The following CTNNA2 variants were observed in gnomAD, a reference collection of about 807,000 sequenced individuals.
CTNNA2 encodes catenin alpha 2, also known as catenin alpha-2.
CTNNA2 carries 42 observed loss-of-function variants against 101.0 expected under a neutral mutation model. The ratio of observed to expected loss-of-function variants is 0.42; its 90% CI spans 0.32 to 0.54. The LOEUF (loss-of-function observed/expected upper bound fraction) is 0.54, where lower values mean the gene tolerates loss of function less well. Among genes scored for constraint, CTNNA2 ranks in the 20% least tolerant of loss-of-function variants. The probability of loss-of-function intolerance (pLI) is 0.14; values close to 1 mark genes in which losing one functional copy is unlikely to be tolerated. For synonymous variants in CTNNA2, 450 were observed against 456.4 expected (o/e 0.99, Z 0.18); for missense variants, 871 against 1,223.1 (o/e 0.71, Z 4.29).
At chr2:80,090,146 C>CTG (rs35203371) in intron 7 of CTNNA2, among the ~76,000 whole-genome samples, 1,428 of 140,628 alleles carry the variant, frequency 0.01, 2 homozygotes, top group African/African-American at 0.022. Flanking sequence ...CTCTCTCTCT[C>CTG]TGTGTGTGTG....
intron 1 of CTNNA2, among the ~76,000 whole-genome samples, chr2:79,563,254 A>C (rs1674904705): frequency 6.6e-6 from 1 of 151,482 alleles, no homozygotes; most frequent in South Asian, 2.1e-4. Flanking sequence ...AAATGCATAT[A>C]CTTACATAAA....
intron 15 of CTNNA2, among the ~76,000 whole-genome samples, chr2:80,590,445 T>G (rs1031486789): frequency 3.6e-5 from 4 of 111,848 alleles, no homozygotes; most frequent in African/African-American, 1.4e-4. Flanking sequence ...TTTTTTTTTC[T>G]GGAAAACACA....
At chr2:79,559,510 T>C (rs531011617) in intron 1 of CTNNA2, among the ~76,000 whole-genome samples, 2 of 151,928 alleles carry the variant, frequency 1.3e-5, no homozygotes, top group African/African-American at 2.4e-5. Context: ...TGCAGAGACA[T>C]AGTTGAGTAA....
rs75308770 is a variant in CTNNA2, at chr2:79,651,467, T to G, written c.-5-85T>G. The G allele has an allele frequency of 1.2e-5, 15 of 1,285,870 alleles. No individual in the cohort carries two copies. The East Asian group carries it at 3.5e-4, about 30-fold the overall frequency. The allele number at this position is 1,285,870 out of a possible 1,614,324, so 79.7% of individuals were successfully genotyped here. ...GCTATCTTCCAGTATGTTCTAAGTT[T>G]CAGTGATTTACCCATTTTGAATCAC... On this transcript the variant is annotated intron_variant, in intron 1 of 18. Transcript: ENST00000402739.
chr2:79,910,299 T>C (rs1281546051), intron 7 of CTNNA2, among the ~76,000 whole-genome samples: 1 of 152,222 alleles, frequency 6.6e-6, no homozygotes, highest in African/African-American at 2.4e-5. Flanking sequence ...GGAGGTGTTT[T>C]ATTGATTCAT....
intron 4 of CTNNA2, among the ~76,000 whole-genome samples, chr2:79,407,840 C>T (rs1305548280): frequency 6.6e-6 from 1 of 152,008 alleles, no homozygotes; most frequent in Non-Finnish European, 1.5e-5. Flanking sequence ...TAAGGAAATG[C>T]TCCTGGCCTA....
At chr2:79,865,962 G>T (rs4852166) in intron 4 of CTNNA2, among the ~76,000 whole-genome samples, 34,874 of 152,134 alleles carry the variant, frequency 0.23, 4,475 homozygotes, top group East Asian at 0.58. Flanking sequence ...CTCGTGATCC[G>T]CCCGCCTCGG....
chr2:79,241,178 G>T (rs1674621095), intron 2 of CTNNA2, among the ~76,000 whole-genome samples: 1 of 152,080 alleles, frequency 6.6e-6, no homozygotes, highest in Non-Finnish European at 1.5e-5. Context: ...CCATTATTGG[G>T]TACTAACTAA....
intron 1 of CTNNA2, among the ~76,000 whole-genome samples, chr2:79,194,180 T>C (rs1673927667): frequency 6.6e-6 from 1 of 152,204 alleles, no homozygotes; most frequent in Non-Finnish European, 1.5e-5. Flanking sequence ...TCAGCTGATA[T>C]TTCTAAGCAC....
chr2:80,134,487 G>C (rs545306647), intron 7 of CTNNA2, among the ~76,000 whole-genome samples: 1 of 152,100 alleles, frequency 6.6e-6, no homozygotes, highest in Non-Finnish European at 1.5e-5. Flanking sequence ...CAGAAAACCC[G>C]TTAATAAACT....
At chr2:80,164,939 G>GT (rs774573996) in intron 7 of CTNNA2, among the ~76,000 whole-genome samples, 2,516 of 99,126 alleles carry the variant, frequency 0.025, 61 homozygotes, top group African/African-American at 0.092. Context: ...CCAACTTTTG[G>GT]TTTTTTTTTT....
intron 4 of CTNNA2, among the ~76,000 whole-genome samples, chr2:79,475,384 C>G (rs1671039949): frequency 6.6e-6 from 1 of 152,120 alleles, no homozygotes; most frequent in African/African-American, 2.4e-5. Context: ...ACAAGTGAAG[C>G]TGGAGGTGAC....
chr2:79,596,488 A>C (rs972172919), intron 1 of CTNNA2, among the ~76,000 whole-genome samples: 1 of 152,172 alleles, frequency 6.6e-6, no homozygotes, highest in African/African-American at 2.4e-5. Context: ...AGGAAAAAAG[A>C]ATATAAATAA....
chr2:80,435,233 A>G (rs1238558051), intron 9 of CTNNA2, among the ~76,000 whole-genome samples: 1 of 152,206 alleles, frequency 6.6e-6, no homozygotes, highest in African/African-American at 2.4e-5. Context: ...TCAGTGCCCT[A>G]TACCTACATC....
chr2:79,431,584 T>C (rs1678659738), intron 4 of CTNNA2, among the ~76,000 whole-genome samples: 1 of 152,210 alleles, frequency 6.6e-6, no homozygotes, highest in African/African-American at 2.4e-5. Flanking sequence ...GGTAGTCACT[T>C]CTAAGTTCAG....
intron 7 of CTNNA2, among the ~76,000 whole-genome samples, chr2:80,038,446 C>T (rs1209825575): frequency 6.6e-6 from 1 of 152,058 alleles, no homozygotes; most frequent in African/African-American, 2.4e-5. Flanking sequence ...TGAGGCCGGG[C>T]GCGGTGACTC....
At position 79,432,201 on chromosome 2, in the gene CTNNA2, T is replaced by A. The variant is rs1179521131; in HGVS notation, c.-135+58188T>A. Among the ~76,000 whole-genome samples the A allele has an allele frequency of 2.0e-5, 3 of 152,178 alleles. No homozygotes were observed. The East Asian group carries it at 5.8e-4, about 29-fold the overall frequency. On this transcript the variant is annotated intron_variant, in intron 4 of 21. Transcript: ENST00000466387. ...CCAAAGATGGCTTATAATACTAGGA[T>A]GGAACGACAAGTATTTGCAAAGTAC...
chr2:80,189,461 C>T (rs1173067450), intron 7 of CTNNA2, among the ~76,000 whole-genome samples: 1 of 152,206 alleles, frequency 6.6e-6, no homozygotes, highest in Non-Finnish European at 1.5e-5. Context: ...AATCTTGTAT[C>T]CCATTCTTCC....
rs75621704 is a variant in CTNNA2 at position 79,976,431 on chromosome 2, C to T, written c.1056+66634C>T. 5.7e-3 allele frequency among the ~76,000 whole-genome samples: 869 copies of T among 152,192 alleles called. 20 individuals carry two copies. The East Asian group carries it at 0.071, about 12-fold the overall frequency. ...TCCTTCCTTTTTATTGAGATGTAAA[C>T]GGATTATGTCTCCATTCGAGAGCAC... is the stretch of plus-strand genomic sequence containing the variant. On this transcript the variant is annotated intron_variant, in intron 7 of 18. Coordinates refer to ENST00000402739, the MANE Select transcript of CTNNA2 (RefSeq NM_001282597.3).
Sources: gnomAD v4.1 joint callset for allele counts (sites outside exome capture counted in the v4.1 genomes callset) on GRCh38, gnomAD v4.1.1 for gene constraint, MANE v1.5 for transcripts, NCBI Gene and HGNC (gene_info 2026-07-23, HGNC 2026-07-21) for gene names.